The following HTR1F variants were observed in gnomAD, a reference collection of about 807,000 sequenced individuals.
HTR1F encodes 5-hydroxytryptamine (serotonin) receptor 1F, G protein-coupled.
HTR1F carries 17 observed loss-of-function variants against 24.0 expected under a neutral mutation model. That is an observed-to-expected ratio of 0.71 (90% CI 0.48 to 1.06). The LOEUF (loss-of-function observed/expected upper bound fraction) is 1.06, where lower values mean the gene tolerates loss of function less well. Among genes scored for constraint, HTR1F ranks in the 50% least tolerant of loss-of-function variants. HTR1F has a pLI of 0.00. For synonymous variants in HTR1F, 186 were observed against 156.8 expected (o/e 1.19, Z -1.39); for missense variants, 391 against 427.8 (o/e 0.91, Z 0.76).
intron 2 of HTR1F, among the ~76,000 whole-genome samples, chr3:87,887,546 G>T (rs1485568017): frequency 6.6e-6 from 1 of 152,078 alleles, no homozygotes; most frequent in African/African-American, 2.4e-5. Flanking sequence ...GCAACCTACA[G>T]AATGGGAGAA....
In HTR1F at chr3:87,984,072, C is replaced by A. The variant is rs532351856; in HGVS notation, c.-42-6636C>A. 7.9e-5 allele frequency among the ~76,000 whole-genome samples: 12 copies of A among 152,312 alleles called. 1 individual carries two copies. The East Asian group carries it at 2.3e-3, about 29-fold the overall frequency. On this transcript the variant is annotated intron_variant, in intron 2 of 2. Transcript: ENST00000319595. ...TTCCTCAGTTAATTTTCATCTCTCA[C>A]CCCCAACTCTAGCCCTAAAGTGCCT...
At chr3:87,925,195 A>C (rs1415727218) in intron 2 of HTR1F, among the ~76,000 whole-genome samples, 2 of 152,114 alleles carry the variant, frequency 1.3e-5, no homozygotes, top group South Asian at 2.1e-4. Context: ...ACTGCTGAGC[A>C]AGCCAGTTCT....
chr3:87,957,702 ACT>A (rs1704974944), intron 2 of HTR1F, among the ~76,000 whole-genome samples: 1 of 150,988 alleles, frequency 6.6e-6, no homozygotes, highest in Non-Finnish European at 1.5e-5. Flanking sequence ...TGTTCTTAAT[ACT>A]CTTTTTTTAT....
At chr3:87,934,228 G>A (rs1299471472) in intron 2 of HTR1F, among the ~76,000 whole-genome samples, 7 of 152,186 alleles carry the variant, frequency 4.6e-5, no homozygotes, top group Admixed American at 4.6e-4. Flanking sequence ...AGAGAAAGAT[G>A]GTGTGAAAAA....
intron 2 of HTR1F, among the ~76,000 whole-genome samples, chr3:87,900,865 G>A (rs766136803): frequency 2.7e-4 from 41 of 152,090 alleles, no homozygotes; most frequent in Non-Finnish European, 4.4e-4. Flanking sequence ...TTTGAGATGC[G>A]TATTAGACAT....
chr3:87,901,672 T>C (rs1482896886), intron 2 of HTR1F, among the ~76,000 whole-genome samples: 1 of 152,038 alleles, frequency 6.6e-6, no homozygotes, highest in African/African-American at 2.4e-5. Context: ...ATATAATTGT[T>C]CCTTAATATT....
chr3:87,974,872 C>T (rs1421079592), intron 2 of HTR1F, among the ~76,000 whole-genome samples: 5 of 152,054 alleles, frequency 3.3e-5, no homozygotes, highest in Non-Finnish European at 7.4e-5. Flanking sequence ...ACTTAGGAAA[C>T]AAGTTTGGAG....
intron 2 of HTR1F, among the ~76,000 whole-genome samples, chr3:87,943,215 C>G (rs6807548): frequency 6.6e-6 from 1 of 151,840 alleles, no homozygotes; most frequent in African/African-American, 2.4e-5. Flanking sequence ...ATTGACCTGA[C>G]TGAGTGAGAT....
intron 2 of HTR1F, among the ~76,000 whole-genome samples, chr3:87,846,941 A>C (rs746439928): frequency 6.6e-6 from 1 of 151,892 alleles, no homozygotes; most frequent in Non-Finnish European, 1.5e-5. Flanking sequence ...AATTAAAATA[A>C]TTTTATGGCA....
At chr3:87,932,205 T>C (rs1211199270) in intron 2 of HTR1F, among the ~76,000 whole-genome samples, 1 of 152,190 alleles carries the variant, frequency 6.6e-6, no homozygotes. Flanking sequence ...TTAATCCATC[T>C]TGAATTAATT....
intron 1 of HTR1F, among the ~76,000 whole-genome samples, chr3:87,815,083 A>G (rs2010539): frequency 0.43 from 64,802 of 151,934 alleles, 16,518 homozygotes; most frequent in African/African-American, 0.72. Context: ...GAATGTGGAA[A>G]GGGTATTGAG....
chr3:87,802,126 TTCCCTCCCTTCTTCCC>T (rs1704001634), intron 1 of HTR1F, among the ~76,000 whole-genome samples: 1 of 101,964 alleles, frequency 9.8e-6, no homozygotes, highest in East Asian at 3.5e-4. Context: ...TTTTCTTTCT[TTCCCTCCCTTCTTCCC>T]TCCCTCCCTC....
intron 2 of HTR1F, among the ~76,000 whole-genome samples, chr3:87,850,173 G>T (rs1418686478): frequency 6.6e-6 from 1 of 151,904 alleles, no homozygotes; most frequent in Non-Finnish European, 1.5e-5. Context: ...GTTTATTGAG[G>T]CACTATTCAC....
At chr3:87,801,303 C>T (rs1301666694) in intron 1 of HTR1F, among the ~76,000 whole-genome samples, 4 of 152,162 alleles carry the variant, frequency 2.6e-5, no homozygotes, top group Non-Finnish European at 5.9e-5. Flanking sequence ...TTATAGTATA[C>T]CAGTGTAGTA....
chr3:87,871,923 A>G (rs1705567173), intron 2 of HTR1F, among the ~76,000 whole-genome samples: 1 of 152,146 alleles, frequency 6.6e-6, no homozygotes, highest in South Asian at 2.1e-4. Flanking sequence ...TAACAAACAT[A>G]TAGAGAATAT....
intron 2 of HTR1F, among the ~76,000 whole-genome samples, chr3:87,837,808 T>C (rs1409949260): frequency 6.6e-6 from 1 of 152,098 alleles, no homozygotes; most frequent in Non-Finnish European, 1.5e-5. Context: ...TTAAGTGGCA[T>C]TGAATGTATT....
At chr3:87,926,977 G>T (rs1273614980) in intron 2 of HTR1F, among the ~76,000 whole-genome samples, 1 of 152,068 alleles carries the variant, frequency 6.6e-6, no homozygotes, top group Admixed American at 6.6e-5. Context: ...GTGACAAGAA[G>T]GGCAACAATT....
intron 2 of HTR1F, among the ~76,000 whole-genome samples, chr3:87,913,236 T>A (rs1703819854): frequency 6.6e-6 from 1 of 151,840 alleles, no homozygotes; most frequent in African/African-American, 2.4e-5. Flanking sequence ...CTAAAAAACA[T>A]TAAAAGACAG....
intron 2 of HTR1F, among the ~76,000 whole-genome samples, chr3:87,879,831 C>A (rs1389827748): frequency 1.3e-5 from 2 of 152,002 alleles, no homozygotes; most frequent in African/African-American, 4.8e-5. Context: ...TTATTTCTCA[C>A]ACCATTAATA....
Sources: allele counts gnomAD v4.1 joint callset (sites outside exome capture counted in the v4.1 genomes callset), GRCh38; gene constraint gnomAD v4.1.1; transcripts MANE v1.5; gene names NCBI Gene and HGNC (gene_info 2026-07-23, HGNC 2026-07-21).